FHIP1A: variants seen among roughly 807,000 people sequenced by gnomAD.
FHIP1A encodes the protein FHF complex subunit HOOK interacting protein 1A.
FHIP1A carries 61 observed loss-of-function variants against 88.6 expected under a neutral mutation model. That is an observed-to-expected ratio of 0.69 (90% CI 0.56 to 0.85). FHIP1A has a LOEUF of 0.85. Ranked by LOEUF, FHIP1A falls within the 40% of genes least tolerant of loss-of-function variation. FHIP1A has a pLI of 0.00. For missense variants in FHIP1A, 1,154 were observed against 1,273.5 expected (o/e 0.91, Z 1.43); for synonymous variants, 478 against 496.0 (o/e 0.96, Z 0.48).
intron 7 of FHIP1A, among the ~76,000 whole-genome samples, chr4:151,603,398 TC>T (rs969331857): frequency 6.6e-6 from 1 of 152,026 alleles, no homozygotes; most frequent in African/African-American, 2.4e-5. Context: ...TTTCCTCTTT[TC>T]CCCCTTTGAT....
chr4:151,642,008 A>G (rs921554362), intron 9 of FHIP1A, among the ~76,000 whole-genome samples: 2 of 152,274 alleles, frequency 1.3e-5, no homozygotes, highest in Admixed American at 1.3e-4. Flanking sequence ...CATAAATACC[A>G]ACATTTCAAA....
chr4:151,577,796 C>G lies in FHIP1A; in HGVS notation c.452C>G (p.Ser151Ter). ...KPLMMLLSSCSGTTTPTVEEK... is the reference protein window; with the variant it reads ...KPLMMLLSSC Reference sequence around the variant, plus strand: ...CTGATGATGTTGCTGAGCTCTTGTTCAGGAACAACCACCCCCACTGTGGAG... The same window carrying G: ...CTGATGATGTTGCTGAGCTCTTGTTGAGGAACAACCACCCCCACTGTGGAG... Residue 151 changes from serine to a stop codon, truncating the protein, a stop_gained, in exon 5 of 14, where the codon TCA becomes TGA. Transcript: ENST00000435205. LOFTEE classifies it high-confidence loss of function. 6.4e-7 allele frequency: 1 copy of G among 1,552,014 alleles called. No individual in the cohort carries two copies. The highest frequency in any genetic ancestry group is 1.2e-5 in the South Asian group (1 of 84,044).
chr4:151,478,421 G>A (rs1352180159), intron 2 of FHIP1A, among the ~76,000 whole-genome samples: 2 of 152,122 alleles, frequency 1.3e-5, no homozygotes, highest in East Asian at 3.8e-4. Context: ...TGGTGGTGGT[G>A]ATTTTCGTTG....
intron 1 of FHIP1A, among the ~76,000 whole-genome samples, chr4:151,417,563 T>A (rs550389504): frequency 6.6e-6 from 1 of 151,936 alleles, no homozygotes; most frequent in Non-Finnish European, 1.5e-5. Context: ...GAGATGGGGG[T>A]TGCAAAGGGA....
At chr4:151,487,449 C>A (rs1163419999) in intron 3 of FHIP1A, among the ~76,000 whole-genome samples, 4 of 152,138 alleles carry the variant, frequency 2.6e-5, no homozygotes, top group Non-Finnish European at 5.9e-5. Flanking sequence ...GCTCAGACAT[C>A]ACCTTAGCGT....
At chr4:151,554,030 T>C (rs1732848197) in intron 3 of FHIP1A, among the ~76,000 whole-genome samples, 2 of 152,270 alleles carry the variant, frequency 1.3e-5, no homozygotes, top group Admixed American at 1.3e-4. Context: ...CCTCTTATGA[T>C]CACAGCTGCC....
chr4:151,609,924 A>T (rs1278629569), intron 7 of FHIP1A, among the ~76,000 whole-genome samples: 1 of 152,234 alleles, frequency 6.6e-6, no homozygotes, highest in Non-Finnish European at 1.5e-5. Context: ...AATAAATAAA[A>T]ATGCTGTCTT....
At chr4:151,447,821 G>A (rs1728659825) in intron 1 of FHIP1A, among the ~76,000 whole-genome samples, 2 of 152,194 alleles carry the variant, frequency 1.3e-5, no homozygotes, top group Admixed American at 1.3e-4. Context: ...GTTATAATGA[G>A]AAGACAGCCA....
intron 2 of FHIP1A, among the ~76,000 whole-genome samples, chr4:151,476,201 G>A (rs1383967969): frequency 6.8e-6 from 1 of 146,202 alleles, no homozygotes; most frequent in African/African-American, 2.5e-5. Context: ...GAGCGCAGTG[G>A]CAAGATCATG....
intron 2 of FHIP1A, among the ~76,000 whole-genome samples, chr4:151,459,545 C>G (rs1729078479): frequency 6.6e-6 from 1 of 152,148 alleles, no homozygotes; most frequent in East Asian, 1.9e-4. Context: ...TAAGCAGCAC[C>G]TGACTTTGCA....
chr4:151,508,409 G>A (rs1730906634), intron 3 of FHIP1A, among the ~76,000 whole-genome samples: 1 of 152,112 alleles, frequency 6.6e-6, no homozygotes, highest in Non-Finnish European at 1.5e-5. Flanking sequence ...TGCTGGTTCT[G>A]GAATTGTTAG....
At chr4:151,482,751 C>A (rs1256169593) in intron 3 of FHIP1A, 103 bp downstream of exon 3, 2 of 151,934 alleles carry the variant, frequency 1.3e-5, no homozygotes, top group African/African-American at 4.8e-5. Flanking sequence ...ACTTACACAT[C>A]CATGTGAACA....
rs1457248664 is a variant in FHIP1A, at chr4:151,668,750, T to G, written c.*5996T>G. Among the ~76,000 whole-genome samples, 1 of 152,072 alleles carries G rather than the reference T, an allele frequency of 6.6e-6. No homozygotes were observed. Among genetic ancestry groups the G allele is most frequent in the Non-Finnish European group, 1.5e-5 (1 of 68,002 alleles). On this transcript the variant is annotated 3_prime_UTR_variant, in exon 14 of 14. Coordinates refer to ENST00000435205, the MANE Select transcript of FHIP1A (RefSeq NM_001109977.3). Reference sequence around the variant, plus strand: ...TGAATACTCCCTCTGTTAGGTAGCATGCAGAGTGCTAGGGCTGGCACATTC... The same window carrying G: ...TGAATACTCCCTCTGTTAGGTAGCAGGCAGAGTGCTAGGGCTGGCACATTC...
intron 11 of FHIP1A, among the ~76,000 whole-genome samples, chr4:151,651,995 T>C (rs1737048442): frequency 6.6e-6 from 1 of 152,170 alleles, no homozygotes; most frequent in African/African-American, 2.4e-5. Context: ...AAGAGTTCGC[T>C]TGAAGGGAAA....
intron 10 of FHIP1A, among the ~76,000 whole-genome samples, chr4:151,647,855 C>T (rs1206748151): frequency 6.6e-6 from 1 of 152,198 alleles, no homozygotes; most frequent in African/African-American, 2.4e-5. Flanking sequence ...ACCTATGATT[C>T]TCCATAACTT....
chr4:151,598,603 C>T (rs1260298318), intron 7 of FHIP1A, among the ~76,000 whole-genome samples: 1 of 152,156 alleles, frequency 6.6e-6, no homozygotes, highest in Non-Finnish European at 1.5e-5. Context: ...AGTTACCTGC[C>T]ATCAGCGTAG....
intron 7 of FHIP1A, among the ~76,000 whole-genome samples, chr4:151,618,799 C>A (rs1442662754): frequency 1.3e-5 from 2 of 152,178 alleles, no homozygotes; most frequent in African/African-American, 4.8e-5. Context: ...AATTAAAATG[C>A]AAGTGTCTTA....
intron 1 of FHIP1A, among the ~76,000 whole-genome samples, chr4:151,453,864 C>T (rs1459897622): frequency 2.0e-5 from 3 of 151,890 alleles, no homozygotes; most frequent in Non-Finnish European, 4.4e-5. Context: ...AGCGAAACTC[C>T]ATCTCAAAAA....
intron 8 of FHIP1A, among the ~76,000 whole-genome samples, chr4:151,632,097 G>A (rs1405402513): frequency 6.6e-6 from 1 of 151,778 alleles, no homozygotes; most frequent in Non-Finnish European, 1.5e-5. Flanking sequence ...GTCAAAAGAT[G>A]GAAAAATATA....
Sources: gnomAD v4.1 joint callset for allele counts (sites outside exome capture counted in the v4.1 genomes callset) on GRCh38, gnomAD v4.1.1 for gene constraint, MANE v1.5 for transcripts, NCBI Gene and HGNC (gene_info 2026-07-23, HGNC 2026-07-21) for gene names.